The following PCDHA10 variants were observed in gnomAD, a reference collection of about 807,000 sequenced individuals.
The protein encoded by PCDHA10 is protocadherin alpha-10.
In PCDHA10, 45 loss-of-function variants were observed where a neutral mutation model predicts 61.2. The ratio of observed to expected loss-of-function variants is 0.74; its 90% CI spans 0.58 to 0.94. PCDHA10 has a LOEUF of 0.94. PCDHA10 is among the 40% of genes least tolerant of loss of function. PCDHA10 has a pLI of 0.00. For missense variants in PCDHA10, 1,278 were observed against 1,236.2 expected, an observed-to-expected ratio of 1.03 and a Z score of -0.51; for synonymous variants, 602 against 548.8, an observed-to-expected ratio of 1.10 and a Z score of -1.35.
At chr5:140,983,865 GC>G (rs2097073239) in intron 3 of PCDHA10, among the ~76,000 whole-genome samples, 1 of 152,120 alleles carries the variant, frequency 6.6e-6, no homozygotes, top group Admixed American at 6.5e-5. Context: ...GCAGCTAAGG[GC>G]CCATTTTTAC....
chr5:140,901,234 T>A (rs1013983503), intron 1 of PCDHA10, among the ~76,000 whole-genome samples: 4 of 152,156 alleles, frequency 2.6e-5, no homozygotes, highest in African/African-American at 9.7e-5. Context: ...ATATATCCAT[T>A]TTTTTCCTTT....
intron 1 of PCDHA10, among the ~76,000 whole-genome samples, chr5:140,921,809 C>CA (rs1184598188): frequency 6.6e-6 from 1 of 151,940 alleles, no homozygotes; most frequent in Non-Finnish European, 1.5e-5. Context: ...AGATAAGATA[C>CA]ATGTGTGAAT....
intron 1 of PCDHA10, among the ~76,000 whole-genome samples, chr5:140,955,351 A>G (rs246019): frequency 0.56 from 85,599 of 151,868 alleles, 24,746 homozygotes; most frequent in African/African-American, 0.69. Flanking sequence ...ACATGTTGTG[A>G]GAGGGACCCA....
intron 1 of PCDHA10, among the ~76,000 whole-genome samples, chr5:140,924,902 A>AAAAAAAT (rs1554202311): frequency 2.8e-4 from 11 of 39,026 alleles, no homozygotes; most frequent in Non-Finnish European, 5.7e-4. Context: ...CTCAAAAAAA[A>AAAAAAAT]AAATAAAATA....
chr5:140,931,088 A>G (rs1178910459), intron 1 of PCDHA10, among the ~76,000 whole-genome samples: 1 of 152,196 alleles, frequency 6.6e-6, no homozygotes, highest in African/African-American at 2.4e-5. Context: ...AGTTCTACAG[A>G]TGACAAAGGA....
rs1475862780 is a variant in PCDHA10 at position 140,982,724 on chromosome 5, G to T, written c.2536+161G>T. On this transcript the variant is annotated intron_variant, in intron 3 of 3. Transcript: ENST00000307360. Reference sequence around the variant, plus strand: ...ATTTCCTTACATATATGATTATTTTGATTTTATACCTAATGCTCTTCAGGA... The same window carrying T: ...ATTTCCTTACATATATGATTATTTTTATTTTATACCTAATGCTCTTCAGGA... 5.5e-6 allele frequency: 5 copies of T among 906,286 alleles called. No homozygotes were observed. The African/African-American group carries it at 9.0e-5, about 16-fold the overall frequency. The allele number at this position is 906,286 out of a possible 1,614,324, so 56.1% of individuals were successfully genotyped here.
In PCDHA10 at chr5:140,857,675, C is replaced by A; in HGVS notation, c.1627C>A (p.Pro543Thr). 2 of 1,597,044 alleles carry A rather than the reference C, an allele frequency of 1.3e-6. No individual in the cohort carries two copies. Among genetic ancestry groups the A allele is most frequent in the Non-Finnish European group, 1.7e-6 (2 of 1,167,770 alleles). The change falls in exon 1 of 4, where the codon CCT (proline) becomes ACT (threonine). Residue 543 changes from proline to threonine, a missense_variant. Coordinates refer to ENST00000307360, the MANE Select transcript of PCDHA10 (RefSeq NM_018901.4). ...GAGCGCGCGCGATGGGGGCGTGCCGCCTCTGGGCAGCAACTTGACGCTGCA... is the reference window on the plus strand; with the variant it reads ...GAGCGCGCGCGATGGGGGCGTGCCGACTCTGGGCAGCAACTTGACGCTGCA... ...QVSARDGGVP[P>T]LGSNLTLQVF...
At position 140,857,846 on chromosome 5, in the gene PCDHA10, T is replaced by C. The variant is rs782107328; in HGVS notation, c.1798T>C (p.Ser600Pro). 6.3e-6 allele frequency: 10 copies of C among 1,597,716 alleles called. 1 individual carries two copies. Among genetic ancestry groups the C allele is most frequent in the Non-Finnish European group, 8.6e-6 (10 of 1,167,514 alleles). ...VAKVRAVDAD[S>P]GYNAWLSYEL... ...TAAGGTGCGCGCAGTGGACGCTGAC[T>C]CTGGATACAACGCGTGGCTGTCGTA... is the stretch of plus-strand genomic sequence containing the variant. The change falls in exon 1 of 4, where the codon TCT becomes CCT. Residue 600 changes from serine to proline, a missense_variant. By Grantham distance (74) the Ser-to-Pro change is moderately conservative (BLOSUM62 -1). Coordinates refer to ENST00000307360, the MANE Select transcript of PCDHA10 (RefSeq NM_018901.4).
At chr5:140,914,930 T>C (rs1474677743) in intron 1 of PCDHA10, among the ~76,000 whole-genome samples, 1 of 150,038 alleles carries the variant, frequency 6.7e-6, no homozygotes, top group Non-Finnish European at 1.5e-5. Flanking sequence ...TTGTACTATG[T>C]TGTGAAAAGT....
Position 140,888,304 on chromosome 5 carries a change from T to C in PCDHA10, c.2388+29868T>C, listed in dbSNP as rs560267265. Among the ~76,000 whole-genome samples the C allele has an allele frequency of 9.2e-5, 14 of 152,272 alleles. No homozygotes were observed. The South Asian group carries it at 2.7e-3, about 29-fold the overall frequency. On this transcript the variant is annotated intron_variant, in intron 1 of 3. Transcript: ENST00000307360. The stretch of plus-strand genomic sequence containing the variant: ...CCTCTACCCCCTACCCAGGAGATAA[T>C]TTGGCAATGCCTGGATACATTTTTG...
intron 1 of PCDHA10, among the ~76,000 whole-genome samples, chr5:140,898,794 T>G (rs1487494121): frequency 1.3e-5 from 2 of 152,236 alleles, no homozygotes; most frequent in East Asian, 3.8e-4. Flanking sequence ...ATGGCCATTT[T>G]CACGATACTG....
At chr5:140,966,527 G>C (rs1328867902) in intron 1 of PCDHA10, 2 of 444,184 alleles carry the variant, frequency 4.5e-6, no homozygotes, top group Non-Finnish European at 7.8e-6. Context: ...AAGCCGAGCC[G>C]GGTTGAGCGA....
At chr5:140,916,929 G>A (rs2077785456) in intron 1 of PCDHA10, among the ~76,000 whole-genome samples, 1 of 152,214 alleles carries the variant, frequency 6.6e-6, no homozygotes, top group African/African-American at 2.4e-5. Context: ...GAGCACTTAA[G>A]CATATAGTGG....
At chr5:140,940,110 T>C (rs2092554073) in intron 1 of PCDHA10, among the ~76,000 whole-genome samples, 1 of 152,240 alleles carries the variant, frequency 6.6e-6, no homozygotes, top group Admixed American at 6.5e-5. Context: ...CGTTATGTAT[T>C]ATTTACCTCT....
chr5:140,937,378 G>T (rs1248709474), intron 1 of PCDHA10, among the ~76,000 whole-genome samples: 1 of 152,130 alleles, frequency 6.6e-6, no homozygotes, highest in African/African-American at 2.4e-5. Context: ...GTTTATGTGT[G>T]TGTATGTGTA....
intron 1 of PCDHA10, chr5:140,876,187 G>A (rs1554168344): frequency 1.9e-6 from 3 of 1,613,842 alleles, no homozygotes; most frequent in African/African-American, 2.7e-5. Context: ...GAATGACAAT[G>A]GTCCGGCGTT....
intron 1 of PCDHA10, among the ~76,000 whole-genome samples, chr5:140,965,664 ATAAATG>A (rs1251201552): frequency 1.3e-5 from 2 of 152,254 alleles, no homozygotes; most frequent in Non-Finnish European, 2.9e-5. Flanking sequence ...GTCTTGGGTG[ATAAATG>A]TAAAAGATTT....
rs186232239 is a variant in PCDHA10, at chr5:140,924,849, C to T, written c.2389-54100C>T. On this transcript the variant is annotated intron_variant, in intron 1 of 3. Coordinates refer to ENST00000307360, the MANE Select transcript of PCDHA10 (RefSeq NM_018901.4). ...GGGGGAGGTTGCAGGGAGCTCAGAT[C>T]GTGCCACTGCACTCCAGCCTGGGTG... 8.0e-3 allele frequency among the ~76,000 whole-genome samples: 1,208 copies of T among 150,322 alleles called. 6 individuals are homozygous for T. Among genetic ancestry groups the T allele is most frequent in the African/African-American group, 0.019 (780 of 40,670 alleles).
At position 140,886,151 on chromosome 5, in the gene PCDHA10, T is replaced by G. The variant is rs184205776; in HGVS notation, c.2388+27715T>G. Reference sequence around the variant, plus strand: ...ACAACCAGATTCTTGATATCACCTTTTTATAGCCACATCTGCTTCCCTGCC... The same window carrying G: ...ACAACCAGATTCTTGATATCACCTTGTTATAGCCACATCTGCTTCCCTGCC... On this transcript the variant is annotated intron_variant, in intron 1 of 3. Coordinates refer to ENST00000307360, the MANE Select transcript of PCDHA10 (RefSeq NM_018901.4). Among the ~76,000 whole-genome samples, 468 of 152,312 alleles carry G rather than the reference T, an allele frequency of 3.1e-3. 3 individuals are homozygous for G. Among genetic ancestry groups the G allele is most frequent in the Middle Eastern group, 0.014 (4 of 294 alleles).
Sources: gnomAD v4.1 joint callset for allele counts (sites outside exome capture counted in the v4.1 genomes callset) on GRCh38, gnomAD v4.1.1 for gene constraint, MANE v1.5 for transcripts, NCBI Gene and HGNC (gene_info 2026-07-23, HGNC 2026-07-21) for gene names.